MED16: variants seen among roughly 807,000 people sequenced by gnomAD.
The protein encoded by MED16 is mediator of RNA polymerase II transcription subunit 16.
In MED16, 81 loss-of-function variants were observed where a neutral mutation model predicts 84.4. The ratio of observed to expected loss-of-function variants is 0.96; its 90% CI spans 0.80 to 1.15. The LOEUF (loss-of-function observed/expected upper bound fraction) is 1.15. MED16 is among the 50% of genes most tolerant of loss of function. The probability of loss-of-function intolerance (pLI) is 0.00; values close to 1 mark genes in which losing one functional copy is unlikely to be tolerated. For synonymous variants in MED16, 897 were observed against 552.2 expected, an observed-to-expected ratio of 1.62 and a Z score of -8.76; for missense variants, 1,585 against 1,245.9, an observed-to-expected ratio of 1.27 and a Z score of -4.10.
intron 6 of MED16, among the ~76,000 whole-genome samples, chr19:882,881 TA>T (rs1188064227): frequency 3.3e-5 from 5 of 152,238 alleles, no homozygotes; most frequent in East Asian, 1.9e-4. Flanking sequence ...CAAACCCGTA[TA>T]GGGGTCCTGT....
At chr19:883,879 CGAAG>C (rs1019340883) in intron 6 of MED16, among the ~76,000 whole-genome samples, 3 of 152,054 alleles carry the variant, frequency 2.0e-5, no homozygotes, top group Non-Finnish European at 2.9e-5. Context: ...GGGGACCGGG[CGAAG>C]GAACGAGCCC....
At chr19:869,634 C>T (rs182352213) in intron 13 of MED16, among the ~76,000 whole-genome samples, 192 of 152,242 alleles carry the variant, frequency 1.3e-3, no homozygotes, top group African/African-American at 4.3e-3. Context: ...CAAGCCAGGG[C>T]GCCTTCCCGG....
At chr19:873,357 G>C (rs1236882120) in intron 11 of MED16, 92 bp downstream of exon 11, 16 of 1,304,920 alleles carry the variant, frequency 1.2e-5, no homozygotes, top group African/African-American at 4.5e-5. Context: ...GCGGGGCTGA[G>C]GTGGTTTTGA....
intron 11 of MED16, among the ~76,000 whole-genome samples, chr19:872,653 G>T (rs376336371): frequency 6.6e-6 from 1 of 151,568 alleles, no homozygotes; most frequent in Non-Finnish European, 1.5e-5. Flanking sequence ...GTGTACCGGC[G>T]GGGGGGTGGG....
chr19:877,490 T>A (rs1225787662), intron 8 of MED16, among the ~76,000 whole-genome samples: 1 of 139,272 alleles, frequency 7.2e-6, no homozygotes, highest in Non-Finnish European at 1.6e-5. Flanking sequence ...CAGCTCCTAG[T>A]TACGAAGCTC....
rs183920280 is a variant in MED16 at position 877,154 on chromosome 19, G to A, written c.1380C>T (p.Ser460=). The A allele has an allele frequency of 4.8e-4, 772 of 1,611,606 alleles. No individual in the cohort carries two copies. Among genetic ancestry groups the A allele is most frequent in the Non-Finnish European group, 6.1e-4 (718 of 1,179,590 alleles). The change falls in exon 9 of 16, where the codon TCC becomes TCT. Residue 460 remains serine (S), a synonymous_variant. Coordinates refer to ENST00000325464, the MANE Select transcript of MED16 (RefSeq NM_005481.3). ...GKLSVLRLSP[S]MGHPLEVGLA... is the part of the protein sequence containing the mutation. ...GCCCCACCTCCAGCGGGTGGCCCAT[G>A]GAAGGTGAGAGGCGGAGCACGCTCA...
At chr19:882,284 G>A (rs1599336438) in intron 6 of MED16, among the ~76,000 whole-genome samples, 1 of 152,222 alleles carries the variant, frequency 6.6e-6, no homozygotes, top group Non-Finnish European at 1.5e-5. Flanking sequence ...AACGCCAGAG[G>A]ATGGCTTGAG....
rs539260775 is a variant in MED16 at position 891,115 on chromosome 19, C to A, written c.17G>T (p.Arg6Leu). The A allele has an allele frequency of 1.2e-6, 2 of 1,613,326 alleles. No individual in the cohort carries two copies. The highest frequency in any genetic ancestry group is 2.2e-5 in the East Asian group (1 of 44,866). MCDLRRPAAGGMMDLA... is the reference protein window; with the variant it reads MCDLRLPAAGGMMDLA... Reference sequence around the variant, plus strand: ...GTCCATCATCCCACCTGCCGCTGGCCGCCGCAAATCACACATGAGGGCAGT... The same window carrying A: ...GTCCATCATCCCACCTGCCGCTGGCAGCCGCAAATCACACATGAGGGCAGT... Residue 6 changes from arginine (R) to leucine (L), a missense_variant, in exon 2 of 16, where the codon CGG (arginine) becomes CTG (leucine). Coordinates refer to ENST00000325464, the MANE Select transcript of MED16 (RefSeq NM_005481.3).
intron 4 of MED16, among the ~76,000 whole-genome samples, chr19:889,227 G>A (rs186207891): frequency 1.3e-5 from 2 of 152,088 alleles, no homozygotes; most frequent in East Asian, 1.9e-4. Flanking sequence ...CTGTGGGGCC[G>A]AATCACAGGG....
Position 871,184 on chromosome 19 carries a change from T to C in MED16, c.2168A>G (p.Gln723Arg), listed in dbSNP as rs1195086012. Residue 723 changes from glutamine (Q) to arginine (R), a missense_variant, in exon 13 of 16, where the codon CAG (glutamine) becomes CGG (arginine). By Grantham distance (43) the Gln-to-Arg change is conservative. Coordinates refer to ENST00000325464, the MANE Select transcript of MED16 (RefSeq NM_005481.3). Reference sequence around the variant, plus strand: ...CCAGTCCAGGCTGGGGATAAGCAGCTGGCTGGGCAGCAGGCAGCATTCATC... The same window carrying C: ...CCAGTCCAGGCTGGGGATAAGCAGCCGGCTGGGCAGCAGGCAGCATTCATC... ...LVDECCLLPS[Q>R]LLIPSLDWLP... The C allele has an allele frequency of 6.5e-7, 1 of 1,549,920 alleles. No homozygotes were observed. Among genetic ancestry groups the C allele is most frequent in the Non-Finnish European group, 8.7e-7 (1 of 1,146,568 alleles).
intron 4 of MED16, among the ~76,000 whole-genome samples, chr19:886,632 C>A (rs1006246684): frequency 6.6e-6 from 1 of 152,240 alleles, no homozygotes; most frequent in Non-Finnish European, 1.5e-5. Flanking sequence ...GGCCCTGGGC[C>A]GCACTGTGCA....
intron 13 of MED16, among the ~76,000 whole-genome samples, chr19:870,232 G>C (rs981972392): frequency 6.6e-6 from 1 of 152,148 alleles, no homozygotes; most frequent in Non-Finnish European, 1.5e-5. Flanking sequence ...CTAAGGCAGG[G>C]CGCCCTGTAC....
intron 11 of MED16, 112 bp from the exon 12 acceptor site, chr19:872,230 G>T: frequency 1.2e-6 from 1 of 862,626 alleles, no homozygotes; most frequent in East Asian, 2.7e-5. Context: ...CAGGGTCTGG[G>T]ACATTTGTGG....
At chr19:873,427 C>A in intron 11 of MED16, 22 bp downstream of exon 11, 1 of 1,601,926 alleles carries the variant, frequency 6.2e-7, no homozygotes, top group East Asian at 2.2e-5. Flanking sequence ...GGGGCGGGGC[C>A]TTAGGGGAGA....
At chr19:883,822 G>A (rs1417028731) in intron 6 of MED16, among the ~76,000 whole-genome samples, 1 of 152,244 alleles carries the variant, frequency 6.6e-6, no homozygotes, top group East Asian at 1.9e-4. Flanking sequence ...ACTGCCTGGT[G>A]ACTCACCACG....
chr19:878,455 C>CGGCCCG (rs2036321029), intron 8 of MED16, among the ~76,000 whole-genome samples: 1 of 147,388 alleles, frequency 6.8e-6, no homozygotes, highest in South Asian at 2.2e-4. Flanking sequence ...GCCCCGGCCC[C>CGGCCCG]ACGTGCCCCA....
At chr19:879,454 C>T (rs867326582) in intron 8 of MED16, among the ~76,000 whole-genome samples, 1 of 136,836 alleles carries the variant, frequency 7.3e-6, no homozygotes, top group African/African-American at 2.8e-5. Flanking sequence ...CCCAGCAGCT[C>T]GCCTTCCCCT....
Position 868,892 on chromosome 19 carries a change from G to T in MED16, c.2370C>A (p.Cys790Ter), listed in dbSNP as rs867059768. The change falls in exon 14 of 16, where the codon TGC becomes TGA. Residue 790 changes from cysteine to a stop codon, truncating the protein, a stop_gained. Coordinates refer to ENST00000325464, the MANE Select transcript of MED16 (RefSeq NM_005481.3). LOFTEE classifies it high-confidence loss of function. Reference sequence around the variant, plus strand: ...TGCAGGCCTTGCATTCCTCCGTGGGGCAAGCGCCAAGGTGCAGCCTCCGCA... The same window carrying T: ...TGCAGGCCTTGCATTCCTCCGTGGGTCAAGCGCCAAGGTGCAGCCTCCGCA... Reference protein sequence around the residue: ...DHLRRLHLGACPTEECKACTR... With the variant: ...DHLRRLHLGA The T allele has an allele frequency of 6.4e-7, 1 of 1,551,896 alleles. No homozygotes were observed. Among genetic ancestry groups the T allele is most frequent in the Admixed American group, 2.0e-5 (1 of 50,740 alleles).
rs2036082275 is a variant in MED16, at chr19:871,976, T to C, written c.2048A>G (p.Gln683Arg). The C allele has an allele frequency of 1.2e-6, 2 of 1,603,962 alleles. No individual in the cohort carries two copies. Among genetic ancestry groups the C allele is most frequent in the East Asian group, 2.3e-5 (1 of 44,290 alleles). ...LPVYTATSDT[Q>R]DSMSLLFRLL... ...GCGGAAGAGCAGGGACATGCTGTCC[T>C]GGGTATCCGAGGTGGCCGTATACAC... The change falls in exon 12 of 16, where the codon CAG becomes CGG. Residue 683 changes from glutamine (Q) to arginine (R), a missense_variant. Transcript: ENST00000325464.
Sources: gnomAD v4.1 joint callset for allele counts (sites outside exome capture counted in the v4.1 genomes callset) on GRCh38, gnomAD v4.1.1 for gene constraint, MANE v1.5 for transcripts, NCBI Gene and HGNC (gene_info 2026-07-23, HGNC 2026-07-21) for gene names.